The following SLC15A1 variants were observed in gnomAD, a reference collection of about 807,000 sequenced individuals.
SLC15A1 encodes the protein solute carrier family 15 member 1.
A neutral mutation model predicts 92.9 loss-of-function variants in SLC15A1; 83 were observed. That is an observed-to-expected ratio of 0.89 (90% confidence interval 0.75 to 1.07). The LOEUF (loss-of-function observed/expected upper bound fraction) is 1.07. Ranked by LOEUF, SLC15A1 falls within the 50% of genes least tolerant of loss-of-function variation. The pLI is 0.00. For missense variants in SLC15A1, 857 were observed against 880.1 expected, an observed-to-expected ratio of 0.97 and a Z score of 0.33; for synonymous variants, 322 against 318.2, an observed-to-expected ratio of 1.01 and a Z score of -0.13.
chr13:98,708,748 C>A lies in SLC15A1; in HGVS notation c.1087G>T (p.Val363Phe). Residue 363 changes from valine to phenylalanine, a missense_variant, in exon 15 of 23, where the codon GTT (valine) becomes TTT (phenylalanine). Physicochemically the swap from Val to Phe is conservative, Grantham distance 50. Coordinates refer to ENST00000376503, the MANE Select transcript of SLC15A1 (RefSeq NM_005073.4). ...FNFTSLKKMA[V>F]GMVLASMAFV... ...GCCATGGAGGCCAGGACCATGCCAACTGCCATCTTCTTCAAGGAGCTGATG... is the reference window on the plus strand; with the variant it reads ...GCCATGGAGGCCAGGACCATGCCAAATGCCATCTTCTTCAAGGAGCTGATG... 1 of 1,611,960 alleles carries A rather than the reference C, an allele frequency of 6.2e-7. No homozygotes were observed. The highest frequency in any genetic ancestry group is 8.5e-7 in the Non-Finnish European group (1 of 1,179,242).
At chr13:98,750,837 C>G (rs138129914) in intron 1 of SLC15A1, among the ~76,000 whole-genome samples, 7 of 151,108 alleles carry the variant, frequency 4.6e-5, no homozygotes, top group Non-Finnish European at 8.8e-5. Flanking sequence ...CTGCAACCTT[C>G]GTCTCCTGGG....
chr13:98,713,769 A>AG (rs1210407030), intron 9 of SLC15A1, among the ~76,000 whole-genome samples: 2 of 152,152 alleles, frequency 1.3e-5, no homozygotes, highest in African/African-American at 4.8e-5. Flanking sequence ...TAAGTTGGCC[A>AG]GGCGCAGTGG....
At chr13:98,722,011 A>G in intron 5 of SLC15A1, 108 bp from the exon 6 acceptor site, 1 of 836,878 alleles carries the variant, frequency 1.2e-6, no homozygotes, top group Non-Finnish European at 1.8e-6. Flanking sequence ...ACACATAGAG[A>G]AGAAGACAAT....
chr13:98,718,902 C>T (rs912713895), intron 8 of SLC15A1, among the ~76,000 whole-genome samples: 11 of 152,196 alleles, frequency 7.2e-5, no homozygotes, highest in African/African-American at 2.4e-4. Flanking sequence ...ATCCCCCTGC[C>T]TTGGCCTCCC....
chr13:98,736,481 A>T (rs1343170732), intron 1 of SLC15A1, among the ~76,000 whole-genome samples: 1 of 152,220 alleles, frequency 6.6e-6, no homozygotes, highest in African/African-American at 2.4e-5. Flanking sequence ...AAAAGCCAAA[A>T]TAGACAAATG....
intron 18 of SLC15A1, 56 bp downstream of exon 18, chr13:98,702,424 A>T: frequency 3.6e-6 from 4 of 1,103,930 alleles, no homozygotes; most frequent in Non-Finnish European, 5.6e-6. Flanking sequence ...TACTATGGGT[A>T]TGCATTACTT....
intron 16 of SLC15A1, 65 bp from the exon 17 acceptor site, chr13:98,704,500 T>C: frequency 6.9e-7 from 1 of 1,440,730 alleles, no homozygotes; most frequent in Non-Finnish European, 9.5e-7. Flanking sequence ...AACTGAACGC[T>C]GGAAGAGCAG....
rs563297770 is a variant in SLC15A1 at position 98,706,571 on chromosome 13, C to T, written c.1150-318G>A. On this transcript the variant is annotated intron_variant, in intron 15 of 22. Transcript: ENST00000376503. Reference sequence around the variant, plus strand: ...AATCGTGGGGGTGGCTTCCCCCGTACTGTTCTTGTGGTAGTGAGTAAGACT... The same window carrying T: ...AATCGTGGGGGTGGCTTCCCCCGTATTGTTCTTGTGGTAGTGAGTAAGACT... Among the ~76,000 whole-genome samples, 5 of 152,332 alleles carry T rather than the reference C, an allele frequency of 3.3e-5. No homozygotes were observed. The East Asian group carries it at 9.6e-4, about 29-fold the overall frequency.
intron 18 of SLC15A1, among the ~76,000 whole-genome samples, chr13:98,701,647 C>T (rs1398573377): frequency 6.7e-6 from 1 of 150,150 alleles, no homozygotes; most frequent in Non-Finnish European, 1.5e-5. Flanking sequence ...ATTACAGGCA[C>T]ACACCACCAT....
At chr13:98,717,079 A>G (rs771283187) in intron 8 of SLC15A1, among the ~76,000 whole-genome samples, 3 of 152,196 alleles carry the variant, frequency 2.0e-5, no homozygotes, top group Non-Finnish European at 4.4e-5. Flanking sequence ...ATCTGAAAAC[A>G]TAGTCCATAT....
intron 18 of SLC15A1, among the ~76,000 whole-genome samples, chr13:98,697,570 G>A (rs1387391755): frequency 1.3e-5 from 2 of 148,956 alleles, no homozygotes; most frequent in Non-Finnish European, 3.0e-5. Context: ...GACACTGAAA[G>A]CTTGATGAGC....
intron 1 of SLC15A1, among the ~76,000 whole-genome samples, chr13:98,749,211 A>G (rs575706756): frequency 3.2e-4 from 48 of 152,286 alleles, no homozygotes; most frequent in African/African-American, 1.1e-3. Flanking sequence ...GGAGGGACGC[A>G]CCAGGTGTGA....
intron 1 of SLC15A1, among the ~76,000 whole-genome samples, chr13:98,732,944 A>C (rs1216043841): frequency 6.6e-6 from 1 of 152,198 alleles, no homozygotes; most frequent in Non-Finnish European, 1.5e-5. Flanking sequence ...GGTCTTGCAG[A>C]TGTGATTAAG....
At position 98,752,664 on chromosome 13, in the gene SLC15A1, C is replaced by A; in HGVS notation, c.-66G>T. The A allele has an allele frequency of 8.1e-7, 1 of 1,233,626 alleles. No individual in the cohort carries two copies. The highest frequency in any genetic ancestry group is 1.6e-5 in the African/African-American group (1 of 64,264). 76.4% of individuals were successfully genotyped at this position (1,233,626 alleles called of 1,614,324 possible). Reference sequence around the variant, plus strand: ...GTGCTCCTGGCAGGTGCTACTCCTCCGACCTGACGTCCAGGCCCGGCCCCG... The same window carrying A: ...GTGCTCCTGGCAGGTGCTACTCCTCAGACCTGACGTCCAGGCCCGGCCCCG... On this transcript the variant is annotated 5_prime_UTR_variant, in exon 1 of 23. Coordinates refer to ENST00000376503, the MANE Select transcript of SLC15A1 (RefSeq NM_005073.4).
At chr13:98,687,146 G>A (rs1467693573) in intron 21 of SLC15A1, among the ~76,000 whole-genome samples, 1 of 151,780 alleles carries the variant, frequency 6.6e-6, no homozygotes. Flanking sequence ...AATTTTTAAA[G>A]CTAGACCTTA....
chr13:98,729,589 C>T (rs1409093130), intron 1 of SLC15A1, among the ~76,000 whole-genome samples: 1 of 152,290 alleles, frequency 6.6e-6, no homozygotes, highest in Non-Finnish European at 1.5e-5. Context: ...GAGCAGACAC[C>T]GAATACAGGA....
At chr13:98,704,871 C>T (rs982722151) in intron 16 of SLC15A1, among the ~76,000 whole-genome samples, 5 of 152,092 alleles carry the variant, frequency 3.3e-5, no homozygotes, top group African/African-American at 1.2e-4. Context: ...TCAACCATGG[C>T]TAAACAGGAA....
intron 8 of SLC15A1, among the ~76,000 whole-genome samples, chr13:98,718,536 G>A (rs1205716326): frequency 6.6e-6 from 1 of 151,996 alleles, no homozygotes; most frequent in Non-Finnish European, 1.5e-5. Flanking sequence ...AAAAAAACCA[G>A]CTAGGTGTTG....
intron 18 of SLC15A1, among the ~76,000 whole-genome samples, chr13:98,697,750 C>T (rs1228872148): frequency 2.0e-5 from 3 of 151,660 alleles, no homozygotes; most frequent in African/African-American, 4.9e-5. Flanking sequence ...GAATTGACCT[C>T]GTTTTCTCTT....
Sources: gnomAD v4.1 joint callset for allele counts (sites outside exome capture counted in the v4.1 genomes callset) on GRCh38, gnomAD v4.1.1 for gene constraint, MANE v1.5 for transcripts, NCBI Gene and HGNC (gene_info 2026-07-23, HGNC 2026-07-21) for gene names.